Variants in MTAP observed in about 807,000 individuals in gnomAD.
MTAP encodes the protein methylthioadenosine phosphorylase, also known as S-methyl-5'-thioadenosine phosphorylase.
MTAP carries 33 observed loss-of-function variants against 33.6 expected under a neutral mutation model. That is an observed-to-expected ratio of 0.98 (90% CI 0.74 to 1.31). The LOEUF is 1.31. Among genes scored for constraint, MTAP ranks in the 40% most tolerant of loss-of-function variants. The probability of loss-of-function intolerance (pLI) is 0.00; values close to 1 mark genes in which losing one functional copy is unlikely to be tolerated. For missense variants in MTAP, 367 were observed against 360.0 expected, an observed-to-expected ratio of 1.02 and a Z score of -0.16; for synonymous variants, 148 against 125.7, an observed-to-expected ratio of 1.18 and a Z score of -1.19.
intron 5 of MTAP, among the ~76,000 whole-genome samples, chr9:21,848,952 C>T (rs1024505754): frequency 2.0e-5 from 3 of 152,132 alleles, no homozygotes; most frequent in South Asian, 2.1e-4. Flanking sequence ...CAGTCTGACT[C>T]GTGTAAAGCT....
intron 1 of MTAP, among the ~76,000 whole-genome samples, chr9:21,896,159 C>T (rs924304276): frequency 3.3e-5 from 5 of 152,218 alleles, no homozygotes; most frequent in African/African-American, 4.8e-5. Context: ...TCCTGAATGA[C>T]TATTGGGTCC....
chr9:21,871,484 G>C (rs1303968923), downstream of MTAP, among the ~76,000 whole-genome samples: 1 of 152,102 alleles, frequency 6.6e-6, no homozygotes. Flanking sequence ...TAGTCACACT[G>C]TATTATAATT....
chr9:21,861,952 C>T (rs1825763939), intron 7 of MTAP, 24 bp from the exon 8 acceptor site: 1 of 1,294,250 alleles, frequency 7.7e-7, no homozygotes, highest in African/African-American at 1.5e-5. Context: ...ATGTGAATAT[C>T]ACTGCCTCCT....
At position 21,863,522 on chromosome 9, in the gene MTAP, G is replaced by C. The variant is rs1825794770; in HGVS notation, c.*1508G>C. ...CTCAGGAGGCTGAGGCAGGAGAATG[G>C]TGTGAACCTGGGAGGTGGAGCTTGC... is the stretch of plus-strand genomic sequence containing the variant. On this transcript the variant is annotated 3_prime_UTR_variant, in exon 8 of 8. Transcript: ENST00000644715. 1 of 586,144 alleles carries C rather than the reference G, an allele frequency of 1.7e-6. No individual in the cohort carries two copies. 36.3% of individuals were successfully genotyped at this position (586,144 alleles called of 1,614,324 possible).
intron 5 of MTAP, among the ~76,000 whole-genome samples, chr9:21,841,725 A>G (rs897893618): frequency 2.3e-4 from 35 of 149,016 alleles, no homozygotes; most frequent in South Asian, 8.5e-4. Context: ...CCTAGGGGAA[A>G]GGGGAGAGCA....
Position 21,859,445 on chromosome 9 carries a change from A to T in MTAP, c.813+20A>T. ...CTGAAGGTAAGTGTCAGCCATGGAC[A>T]ATCAGGCATGTCTGTAGACTCTCTA... is the stretch of plus-strand genomic sequence containing the variant. On this transcript the variant is annotated intron_variant, in intron 7 of 7. Transcript: ENST00000644715. 3 of 1,600,402 alleles carry T rather than the reference A, an allele frequency of 1.9e-6. No homozygotes were observed. Among genetic ancestry groups the T allele is most frequent in the Non-Finnish European group, 2.6e-6 (3 of 1,175,540 alleles).
chr9:21,936,452 T>C (rs1819043015), exon 8 of MTAP: 1 of 152,254 alleles, frequency 6.6e-6, no homozygotes, highest in Non-Finnish European at 1.5e-5. Context: ...CTTATGCCTG[T>C]AGAGTTTTGC....
chr9:21,898,640 C>T (rs1439887921), intron 1 of MTAP, among the ~76,000 whole-genome samples: 1 of 152,188 alleles, frequency 6.6e-6, no homozygotes, highest in African/African-American at 2.4e-5. Flanking sequence ...AAATGTTCAT[C>T]ATCACTGGCC....
At chr9:21,858,021 G>A (rs1173819377) in intron 6 of MTAP, among the ~76,000 whole-genome samples, 3 of 152,154 alleles carry the variant, frequency 2.0e-5, no homozygotes, top group Non-Finnish European at 4.4e-5. Flanking sequence ...TCATCAGGAA[G>A]CACATAATGA....
downstream of MTAP, among the ~76,000 whole-genome samples, chr9:21,870,012 A>G (rs1317071404): frequency 6.6e-6 from 1 of 152,140 alleles, no homozygotes; most frequent in Non-Finnish European, 1.5e-5. Context: ...TTCCAAGAAC[A>G]CACCAGGCCC....
At chr9:21,883,016 A>C (rs1257329686) in intron 1 of MTAP, among the ~76,000 whole-genome samples, 1 of 151,948 alleles carries the variant, frequency 6.6e-6, no homozygotes, top group Non-Finnish European at 1.5e-5. Flanking sequence ...TCAAGAAGTG[A>C]TTAAAAAAGA....
intron 1 of MTAP, among the ~76,000 whole-genome samples, chr9:21,920,348 GAA>G (rs1429519843): frequency 6.6e-6 from 1 of 152,144 alleles, no homozygotes; most frequent in Non-Finnish European, 1.5e-5. Flanking sequence ...TTAGAGCAAT[GAA>G]AAGAGATTTT....
chr9:21,904,295 AG>A (rs933695481), intron 1 of MTAP, among the ~76,000 whole-genome samples: 3 of 152,208 alleles, frequency 2.0e-5, no homozygotes, highest in Non-Finnish European at 2.9e-5. Flanking sequence ...GAGGTATGGC[AG>A]GCCAGGGTGG....
chr9:21,819,263 T>C (rs562321783), intron 4 of MTAP, among the ~76,000 whole-genome samples: 1 of 152,168 alleles, frequency 6.6e-6, no homozygotes, highest in African/African-American at 2.4e-5. Context: ...TTACATTGGG[T>C]ATATCTCCTG....
intron 1 of MTAP, chr9:21,892,511 T>A (rs1818215956): frequency 6.6e-6 from 1 of 151,462 alleles, no homozygotes; most frequent in Admixed American, 6.6e-5. Flanking sequence ...CCAACAATGA[T>A]AAAAAAAGAC....
At chr9:21,844,827 C>G (rs192792931) in intron 5 of MTAP, among the ~76,000 whole-genome samples, 22 of 152,170 alleles carry the variant, frequency 1.4e-4, no homozygotes, top group Admixed American at 1.2e-3. Context: ...AAGGTCAGAT[C>G]GAGACCATCC....
intron 1 of MTAP, among the ~76,000 whole-genome samples, chr9:21,912,804 T>C (rs1240873554): frequency 6.6e-6 from 1 of 152,084 alleles, no homozygotes; most frequent in Non-Finnish European, 1.5e-5. Context: ...AGGAGAAAGA[T>C]ATAAAGGGTA....
intron 4 of MTAP, among the ~76,000 whole-genome samples, chr9:21,821,681 A>C: frequency 6.6e-6 from 1 of 152,076 alleles, no homozygotes. Context: ...TATTGATTGG[A>C]ATAGTTTCAG....
At chr9:21,803,851 C>G (rs959778603) in intron 1 of MTAP, among the ~76,000 whole-genome samples, 1 of 152,162 alleles carries the variant, frequency 6.6e-6, no homozygotes, top group Admixed American at 6.5e-5. Context: ...TTTCTGCGGT[C>G]AGTGTGTAAT....
Sources: gnomAD v4.1 joint callset for allele counts (sites outside exome capture counted in the v4.1 genomes callset) on GRCh38, gnomAD v4.1.1 for gene constraint, MANE v1.5 for transcripts, NCBI Gene and HGNC (gene_info 2026-07-23, HGNC 2026-07-21) for gene names.